RBFOX1: variants seen among roughly 807,000 people sequenced by gnomAD.
RBFOX1 encodes RNA binding fox-1 homolog 1.
Under a neutral mutation model 57.7 loss-of-function variants are expected in RBFOX1, and 8 were observed. The observed-to-expected ratio is 0.14, with a 90% CI of 0.08 to 0.25. RBFOX1 has a LOEUF of 0.25. RBFOX1 is among the 10% of genes least tolerant of loss of function. RBFOX1 has a pLI of 1.00. For synonymous variants in RBFOX1, 326 were observed against 222.4 expected (o/e 1.47, Z -4.15); for missense variants, 611 against 548.5 (o/e 1.11, Z -1.14).
intron 2 of RBFOX1, among the ~76,000 whole-genome samples, chr16:6,414,372 A>T (rs1283178282): frequency 6.6e-6 from 1 of 152,168 alleles, no homozygotes. Flanking sequence ...CCATTTGCGC[A>T]TGTATTTCCC....
intron 1 of RBFOX1, among the ~76,000 whole-genome samples, chr16:6,110,578 G>T (rs995438276): frequency 6.6e-6 from 1 of 152,142 alleles, no homozygotes. Flanking sequence ...AATTAAGATG[G>T]ATCCATGAGA....
chr16:6,506,915 T>G (rs2096113507), intron 2 of RBFOX1, among the ~76,000 whole-genome samples: 1 of 152,186 alleles, frequency 6.6e-6, no homozygotes, highest in African/African-American at 2.4e-5. Flanking sequence ...CCCAAAGTGC[T>G]GGGGTTACAG....
chr16:7,310,411 A>T (rs1227784582), intron 4 of RBFOX1, among the ~76,000 whole-genome samples: 5 of 152,154 alleles, frequency 3.3e-5, no homozygotes, highest in African/African-American at 1.2e-4. Context: ...AGAATTTGGA[A>T]CCAGGGTTGG....
intron 5 of RBFOX1, among the ~76,000 whole-genome samples, chr16:7,532,210 T>A (rs1271425631): frequency 1.3e-5 from 2 of 151,682 alleles, no homozygotes; most frequent in Non-Finnish European, 2.9e-5. Context: ...GTCCCCCCTC[T>A]TCCCTCTAAT....
Position 5,381,641 on chromosome 16 carries a change from A to C in RBFOX1, c.220-85575A>C, listed in dbSNP as rs538960112. ...CTAACTCCCCCATAGGGTTGTTACAAACATTAAATCAAATAATGCACAGGC... is the reference window on the plus strand; with the variant it reads ...CTAACTCCCCCATAGGGTTGTTACACACATTAAATCAAATAATGCACAGGC... On this transcript the variant is annotated intron_variant, in intron 1 of 2. Coordinates refer to the RBFOX1 transcript ENST00000585867. Among the ~76,000 whole-genome samples the C allele has an allele frequency of 6.6e-5, 10 of 152,318 alleles. No homozygotes were observed. The South Asian group carries it at 1.0e-3, about 16-fold the overall frequency.
At chr16:6,624,705 G>A (rs924422882) in intron 2 of RBFOX1, among the ~76,000 whole-genome samples, 9 of 152,130 alleles carry the variant, frequency 5.9e-5, no homozygotes, top group Admixed American at 4.6e-4. Context: ...AGACGTCGTT[G>A]TAAAACAAAG....
chr16:5,761,525 G>T (rs1032348407), intron 3 of RBFOX1, among the ~76,000 whole-genome samples: 12 of 152,202 alleles, frequency 7.9e-5, no homozygotes, highest in African/African-American at 2.7e-4. Flanking sequence ...AGAAGGCAAG[G>T]AAGAGGAAAG....
intron 3 of RBFOX1, among the ~76,000 whole-genome samples, chr16:5,748,291 C>G (rs2053063330): frequency 1.3e-5 from 2 of 152,022 alleles, no homozygotes; most frequent in Admixed American, 1.3e-4. Flanking sequence ...TGCTTTACTT[C>G]CAACTATGTG....
intron 2 of RBFOX1, among the ~76,000 whole-genome samples, chr16:6,325,323 C>CTGGT (rs2082254568): frequency 1.3e-5 from 2 of 152,070 alleles, no homozygotes; most frequent in African/African-American, 4.8e-5. Context: ...TGGCACTGCA[C>CTGGT]ACCAACCTGG....
intron 3 of RBFOX1, among the ~76,000 whole-genome samples, chr16:7,051,451 C>G (rs554308461): frequency 6.6e-6 from 1 of 152,216 alleles, no homozygotes; most frequent in African/African-American, 2.4e-5. Context: ...TGCTAATACC[C>G]ACTTTCCTAT....
chr16:6,119,260 G>A (rs997158740), intron 1 of RBFOX1, among the ~76,000 whole-genome samples: 8 of 151,790 alleles, frequency 5.3e-5, no homozygotes, highest in African/African-American at 1.9e-4. Flanking sequence ...AATTTTTAAG[G>A]GGATATTTCT....
At chr16:5,812,188 C>G (rs1346978031) in intron 3 of RBFOX1, among the ~76,000 whole-genome samples, 1 of 152,148 alleles carries the variant, frequency 6.6e-6, no homozygotes, top group South Asian at 2.1e-4. Flanking sequence ...TATCCATTCA[C>G]CAGTTGATAG....
chr16:6,937,119 C>T (rs895791977), intron 3 of RBFOX1, among the ~76,000 whole-genome samples: 7 of 152,054 alleles, frequency 4.6e-5, no homozygotes, highest in African/African-American at 7.2e-5. Flanking sequence ...AAAAAAGATC[C>T]ATCAGCCAGT....
At chr16:5,761,451 T>A (rs2053585500) in intron 3 of RBFOX1, among the ~76,000 whole-genome samples, 1 of 152,204 alleles carries the variant, frequency 6.6e-6, no homozygotes, top group Non-Finnish European at 1.5e-5. Flanking sequence ...ACTGGATACT[T>A]TATAAAGGAA....
intron 1 of RBFOX1, among the ~76,000 whole-genome samples, chr16:6,309,442 C>A (rs1377937505): frequency 1.3e-5 from 2 of 152,184 alleles, no homozygotes; most frequent in Admixed American, 6.5e-5. Context: ...CCAAACTTGC[C>A]CCTTGGGTTT....
chr16:6,307,243 C>T (rs184786147), intron 1 of RBFOX1, among the ~76,000 whole-genome samples: 5 of 152,148 alleles, frequency 3.3e-5, no homozygotes, highest in Admixed American at 3.3e-4. Flanking sequence ...ATGGTAAATA[C>T]TTGGTGTTGG....
At chr16:7,116,754 G>A (rs2065986310) in intron 4 of RBFOX1, among the ~76,000 whole-genome samples, 1 of 152,146 alleles carries the variant, frequency 6.6e-6, no homozygotes, top group South Asian at 2.1e-4. Flanking sequence ...ACCTGCATTT[G>A]GATGACAGGT....
In RBFOX1 at chr16:7,155,712, A is replaced by AAAATATAT. The variant is rs1195367029; in HGVS notation, c.27+103615_27+103616insAATATATA. ...TCTCCTCCCACCAAAAAAAAAAAAA[A>AAAATATAT]ATATATATATATATATATATATATA... On this transcript the variant is annotated intron_variant, in intron 4 of 15. Transcript: ENST00000550418. Among the ~76,000 whole-genome samples the AAAATATAT allele has an allele frequency of 7.8e-5, 6 of 77,406 alleles. 1 individual carries two copies. Among genetic ancestry groups the AAAATATAT allele is most frequent in the African/African-American group, 4.0e-4 (6 of 15,006 alleles). The allele number at this position is 77,406 out of a possible 152,430, so 50.8% of individuals were successfully genotyped here.
chr16:5,471,237 A>G (rs997747367), intron 2 of RBFOX1, among the ~76,000 whole-genome samples: 1 of 152,240 alleles, frequency 6.6e-6, no homozygotes, highest in Admixed American at 6.5e-5. Flanking sequence ...GGATGTGAGA[A>G]AATGGGAATT....
Sources: allele counts gnomAD v4.1 joint callset (sites outside exome capture counted in the v4.1 genomes callset), GRCh38; gene constraint gnomAD v4.1.1; transcripts MANE v1.5; gene names NCBI Gene and HGNC (gene_info 2026-07-23, HGNC 2026-07-21).